The following FBP1 variants were observed in gnomAD, a reference collection of about 807,000 sequenced individuals.
FBP1 encodes fructose-1,6-bisphosphatase 1.
FBP1 carries 22 observed loss-of-function variants against 29.9 expected under a neutral mutation model. The observed-to-expected ratio is 0.74, with a 90% CI of 0.53 to 1.05. The LOEUF (loss-of-function observed/expected upper bound fraction) is 1.05. FBP1 is among the 50% of genes least tolerant of loss of function. FBP1 has a pLI of 0.00. For missense variants in FBP1, 345 were observed against 448.2 expected (o/e 0.77, Z 2.08); for synonymous variants, 175 against 178.6 (o/e 0.98, Z 0.16).
chr9:94,604,626 A>G (rs1827669080), intron 6 of FBP1, among the ~76,000 whole-genome samples: 1 of 152,192 alleles, frequency 6.6e-6, no homozygotes, highest in Non-Finnish European at 1.5e-5. Context: ...TCTACTAAAA[A>G]TATAAAAATT....
chr9:94,617,304 G>A (rs1290358346), intron 3 of FBP1, among the ~76,000 whole-genome samples: 1 of 152,154 alleles, frequency 6.6e-6, no homozygotes, highest in Admixed American at 6.5e-5. Context: ...TGTAAAAATG[G>A]TTATTCTTTG....
chr9:94,607,018 G>A, intron 4 of FBP1, 66 bp from the exon 5 acceptor site: 1 of 1,606,184 alleles, frequency 6.2e-7, no homozygotes, highest in African/African-American at 1.3e-5. Flanking sequence ...GCCTGGATGA[G>A]GCGAGCGATG....
intron 4 of FBP1, among the ~76,000 whole-genome samples, chr9:94,609,190 GAAAA>G: frequency 8.9e-6 from 1 of 112,012 alleles, no homozygotes; most frequent in East Asian, 2.3e-4. Flanking sequence ...CTACATCTCA[GAAAA>G]AAAAAAAAAA....
intron 1 of FBP1, among the ~76,000 whole-genome samples, chr9:94,628,022 AG>A (rs1332317387): frequency 1.3e-5 from 2 of 152,242 alleles, no homozygotes; most frequent in African/African-American, 4.8e-5. Flanking sequence ...CTGATCATGC[AG>A]GGGCAGGAAG....
chr9:94,620,374 C>T lies in FBP1; in HGVS notation c.288G>A (p.Val96=), dbSNP rs748356619. ...LKSSFATCVL[V]SEEDKHAIIV... Reference sequence around the variant, plus strand: ...TGATGGCGTGTTTATCTTCTTCTGACACGAGAACACACGTGGCAAAGGATG... The same window carrying T: ...TGATGGCGTGTTTATCTTCTTCTGATACGAGAACACACGTGGCAAAGGATG... Residue 96 remains valine (V), a synonymous_variant, in exon 2 of 7, where the codon GTG becomes GTA. Transcript: ENST00000375326. 44 of 1,614,096 alleles carry T rather than the reference C, an allele frequency of 2.7e-5. No homozygotes were observed. The highest frequency in any genetic ancestry group is 3.3e-5 in the Non-Finnish European group (39 of 1,180,050).
At chr9:94,613,296 G>A (rs1827812142) in intron 3 of FBP1, among the ~76,000 whole-genome samples, 1 of 152,174 alleles carries the variant, frequency 6.6e-6, no homozygotes, top group Admixed American at 6.5e-5. Context: ...TGGGTGTGGT[G>A]GGCATTATTG....
chr9:94,615,674 C>G (rs1385277385), intron 3 of FBP1, among the ~76,000 whole-genome samples: 1 of 152,142 alleles, frequency 6.6e-6, no homozygotes, highest in Non-Finnish European at 1.5e-5. Flanking sequence ...TGATGTGGAT[C>G]TGCCTCTTAC....
In FBP1 at chr9:94,606,814, C is replaced by T; in HGVS notation, c.705+1G>A. ...ACCACCCTCCCCGGGCCCTCACTTA[C>T]TGGGGGGAACTTCTTCCTCTGGATG... is the stretch of plus-strand genomic sequence containing the variant. On this transcript the variant is annotated splice_donor_variant, in intron 5 of 6. Transcript: ENST00000375326. LOFTEE classifies it high-confidence loss of function. 2 of 1,613,552 alleles carry T rather than the reference C, an allele frequency of 1.2e-6. No individual in the cohort carries two copies. Among genetic ancestry groups the T allele is most frequent in the South Asian group, 1.1e-5 (1 of 91,036 alleles).
chr9:94,639,171 G>A lies in FBP1; in HGVS notation c.140C>T (p.Ser47Leu). The A allele has an allele frequency of 6.2e-7, 1 of 1,605,390 alleles. No individual in the cohort carries two copies. The highest frequency in any genetic ancestry group is 8.5e-7 in the Non-Finnish European group (1 of 1,176,236). ...CGCGATGCCCGCCTTGCGCACCGCC[G>A]AAGAGATGGCTTTGACTGCTGTGCA... ...SLCTAVKAIS[S>L]AVRKAGIAHL... The change falls in exon 1 of 7, where the codon TCG (serine) becomes TTG (leucine). Residue 47 changes from serine (S) to leucine (L), a missense_variant. Ser to Leu is a moderately radical substitution (Grantham distance 145). Transcript: ENST00000375326.
At chr9:94,638,915 C>T (rs1828239450) in intron 1 of FBP1, among the ~76,000 whole-genome samples, 1 of 152,158 alleles carries the variant, frequency 6.6e-6, no homozygotes, top group Non-Finnish European at 1.5e-5. Flanking sequence ...AGACGGACCC[C>T]CAGGTGGGCC....
intron 1 of FBP1, among the ~76,000 whole-genome samples, chr9:94,630,960 G>C (rs573285209): frequency 2.0e-5 from 3 of 152,292 alleles, no homozygotes; most frequent in Admixed American, 6.5e-5. Flanking sequence ...TCTGGGGATT[G>C]GGGGAAGGGG....
Position 94,603,638 on chromosome 9 carries a change from C to T in FBP1, c.826-66G>A, listed in dbSNP as rs1827648373. 8 of 1,435,882 alleles carry T rather than the reference C, an allele frequency of 5.6e-6. No individual in the cohort carries two copies. The South Asian group carries it at 5.7e-5, about 10-fold the overall frequency. The allele number at this position is 1,435,882 out of a possible 1,614,324, so 88.9% of individuals were successfully genotyped here. Reference sequence around the variant, plus strand: ...GGTATTGCGTAAAAAAGAGACTTTTCTGCAGCAAAACATGCAGAGCTGGTG... The same window carrying T: ...GGTATTGCGTAAAAAAGAGACTTTTTTGCAGCAAAACATGCAGAGCTGGTG... On this transcript the variant is annotated intron_variant, in intron 6 of 6. Coordinates refer to ENST00000375326, the MANE Select transcript of FBP1 (RefSeq NM_000507.4).
intron 6 of FBP1, among the ~76,000 whole-genome samples, 186 bp downstream of exon 6, chr9:94,605,271 A>G (rs1048190810): frequency 6.6e-6 from 1 of 152,188 alleles, no homozygotes; most frequent in African/African-American, 2.4e-5. Flanking sequence ...CTCTCAAGAG[A>G]CTATTTTTAT....
intron 1 of FBP1, among the ~76,000 whole-genome samples, chr9:94,623,812 A>G (rs186673644): frequency 6.6e-6 from 1 of 152,362 alleles, no homozygotes; most frequent in Non-Finnish European, 1.5e-5. Flanking sequence ...GGTAGATCAG[A>G]TCCCGCCCTT....
intron 6 of FBP1, 162 bp from the exon 7 acceptor site, chr9:94,603,734 G>A (rs1004396190): frequency 2.8e-6 from 2 of 705,286 alleles, no homozygotes; most frequent in African/African-American, 3.5e-5. Context: ...CCCACCCCAG[G>A]TTGCATCTGA....
rs1477336334 is a variant in FBP1 at position 94,603,493 on chromosome 9, G to A, written c.905C>T (p.Ala302Val). The change falls in exon 7 of 7, where the codon GCC becomes GTC. Residue 302 changes from alanine to valine, a missense_variant. Physicochemically the swap from Ala to Val is moderately conservative, Grantham distance 64. Coordinates refer to ENST00000375326, the MANE Select transcript of FBP1 (RefSeq NM_000507.4). ...AGGMATTGKEAVLDVIPTDIH... is the reference protein window; with the variant it reads ...AGGMATTGKEVVLDVIPTDIH... ...GTCTGTGGGAATGACGTCTAACACGGCCTCCTTCCCAGTGGTGGCCATTCC... is the reference window on the plus strand; with the variant it reads ...GTCTGTGGGAATGACGTCTAACACGACCTCCTTCCCAGTGGTGGCCATTCC... The A allele has an allele frequency of 6.2e-7, 1 of 1,614,026 alleles. No homozygotes were observed. The highest frequency in any genetic ancestry group is 2.2e-5 in the East Asian group (1 of 44,880).
intron 6 of FBP1, among the ~76,000 whole-genome samples, chr9:94,605,088 TAC>T (rs1827677351): frequency 6.6e-6 from 1 of 152,210 alleles, no homozygotes; most frequent in Non-Finnish European, 1.5e-5. Flanking sequence ...AGAAGACTTC[TAC>T]TGAGGATACA....
intron 1 of FBP1, among the ~76,000 whole-genome samples, chr9:94,622,951 A>T (rs1827969382): frequency 6.6e-6 from 1 of 151,844 alleles, no homozygotes; most frequent in Non-Finnish European, 1.5e-5. Context: ...TGAGAGTTGC[A>T]CTGTCAAAGT....
At chr9:94,633,958 G>A (rs1828150923) in intron 1 of FBP1, among the ~76,000 whole-genome samples, 1 of 150,508 alleles carries the variant, frequency 6.6e-6, no homozygotes, top group African/African-American at 2.4e-5. Flanking sequence ...CGCCCGACTC[G>A]GCCTCCCAAA....
Sources: allele counts gnomAD v4.1 joint callset (sites outside exome capture counted in the v4.1 genomes callset), GRCh38; gene constraint gnomAD v4.1.1; transcripts MANE v1.5; gene names NCBI Gene and HGNC (gene_info 2026-07-23, HGNC 2026-07-21).